KANSL3: variants seen among roughly 807,000 people sequenced by gnomAD.
KANSL3 encodes the protein KAT8 regulatory NSL complex subunit 3, also known as NSL complex protein NSL3.
KANSL3 carries 16 observed loss-of-function variants against 89.2 expected under a neutral mutation model. The observed-to-expected ratio is 0.18, with a 90% CI of 0.12 to 0.27. The LOEUF (loss-of-function observed/expected upper bound fraction) is 0.27. KANSL3 is among the 10% of genes least tolerant of loss of function. The pLI, the probability that KANSL3 is intolerant of heterozygous loss-of-function variation, is 1.00. For missense variants in KANSL3, 879 were observed against 1,110.6 expected (o/e 0.79, Z 2.96); for synonymous variants, 385 against 419.7 (o/e 0.92, Z 1.01).
Position 96,598,239 on chromosome 2 carries a change from G to A in KANSL3, c.2617-2608C>T, listed in dbSNP as rs2066732705. On this transcript the variant is annotated intron_variant, in intron 20 of 20. Transcript: ENST00000431828. Reference sequence around the variant, plus strand: ...ACTATCATTTCTGTACTATAAAACTGTTTTAGAGTATGAGAGGGGAAAAGC... The same window carrying A: ...ACTATCATTTCTGTACTATAAAACTATTTTAGAGTATGAGAGGGGAAAAGC... 2.7e-5 allele frequency: 15 copies of A among 560,902 alleles called. No homozygotes were observed. In the South Asian group the frequency reaches 1.1e-3, roughly 41 times the overall value. 34.7% of individuals were successfully genotyped at this position (560,902 alleles called of 1,614,324 possible). A position where few individuals can be genotyped will look rare whatever the true frequency, so the allele number is the denominator to read the frequency against.
intron 3 of KANSL3, among the ~76,000 whole-genome samples, chr2:96,621,618 C>T (rs1009557825): frequency 2.6e-5 from 4 of 151,008 alleles, no homozygotes; most frequent in Admixed American, 2.6e-4. Context: ...AGTTCAAGTC[C>T]AGCCAGGGCA....
chr2:96,605,410 A>G lies in KANSL3; in HGVS notation c.1843T>C (p.Ser615Pro). 1.2e-6 allele frequency: 2 copies of G among 1,613,934 alleles called. No homozygotes were observed. Among genetic ancestry groups the G allele is most frequent in the Non-Finnish European group, 8.5e-7 (1 of 1,179,852 alleles). Residue 615 changes from serine to proline, a missense_variant, in exon 15 of 21, where the codon TCC becomes CCC. By Grantham distance (74) the Ser-to-Pro change is moderately conservative. Coordinates refer to ENST00000431828, the MANE Select transcript of KANSL3 (RefSeq NM_001115016.3). ...GACACCTTGATCTTCGGTCGTTTGG[A>G]GGTCTTACTGCCAGGAAGGGGACTC... is the stretch of plus-strand genomic sequence containing the variant. ...PSSPLPGSKTSKRPKIKVSLI... is the reference protein window; with the variant it reads ...PSSPLPGSKTPKRPKIKVSLI...
chr2:96,622,637 A>T (rs1323056148), intron 3 of KANSL3, among the ~76,000 whole-genome samples: 1 of 152,230 alleles, frequency 6.6e-6, no homozygotes, highest in Non-Finnish European at 1.5e-5. Context: ...CTTTGCTCAA[A>T]GTCCTTCAGT....
At chr2:96,593,161 C>G, downstream of KANSL3, 1 of 438,192 alleles carries the variant, frequency 2.3e-6, no homozygotes, top group South Asian at 1.6e-5. Flanking sequence ...GAAGCTGAAG[C>G]AATCCAAATG....
At chr2:96,586,910 T>A in the KANSL3 span, among the ~76,000 whole-genome samples, 13 of 152,362 alleles carry the variant, frequency 8.5e-5, no homozygotes, top group Middle Eastern at 3.4e-3. Flanking sequence ...AATTACCTTG[T>A]TTTAGCTATT....
intron 20 of KANSL3, among the ~76,000 whole-genome samples, chr2:96,597,643 C>T (rs924050955): frequency 5.9e-5 from 9 of 152,134 alleles, no homozygotes; most frequent in Admixed American, 3.3e-4. Context: ...GGCTCTGTTG[C>T]CCAGGCTGGA....
Position 96,626,806 on chromosome 2 carries a change from C to A in KANSL3, c.386+4506G>T, listed in dbSNP as rs138709777. ...AGTCACATGCCATGGCACGCAGACA[C>A]AAGAACATGACCCAGGAAGCTCACT... On this transcript the variant is annotated intron_variant, in intron 3 of 20. Coordinates refer to ENST00000431828, the MANE Select transcript of KANSL3 (RefSeq NM_001115016.3). 2.4e-3 allele frequency among the ~76,000 whole-genome samples: 364 copies of A among 152,280 alleles called. 1 individual carries two copies. Among genetic ancestry groups the A allele is most frequent in the African/African-American group, 8.3e-3 (345 of 41,562 alleles).
Position 96,636,305 on chromosome 2 carries a change from A to C in KANSL3, c.215+616T>G, listed in dbSNP as rs191132925. ...AGAACTGGCAAACAGGTTTATTTAG[A>C]CCAAATGTAACTGTATCACTCATCA... On this transcript the variant is annotated intron_variant, in intron 2 of 20. Coordinates refer to ENST00000431828, the MANE Select transcript of KANSL3 (RefSeq NM_001115016.3). Among the ~76,000 whole-genome samples, 283 of 152,372 alleles carry C rather than the reference A, an allele frequency of 1.9e-3. 1 individual carries two copies. The highest frequency in any genetic ancestry group is 2.9e-3 in the Non-Finnish European group (195 of 68,040).
At chr2:96,637,305 G>A in intron 1 of KANSL3, 120 bp from the exon 2 acceptor site, 1 of 552,468 alleles carries the variant, frequency 1.8e-6, no homozygotes, top group Non-Finnish European at 3.2e-6. Flanking sequence ...CCATTTCACG[G>A]CAGACCTCTG....
chr2:96,584,699 A>C, the KANSL3 span, among the ~76,000 whole-genome samples: 1 of 152,144 alleles, frequency 6.6e-6, no homozygotes, highest in Admixed American at 6.5e-5. Context: ...CAAATGACAG[A>C]ATTTTTTTTT....
chr2:96,636,747 CAG>C, intron 2 of KANSL3, 172 bp downstream of exon 2: 1 of 520,404 alleles, frequency 1.9e-6, no homozygotes, highest in South Asian at 3.6e-5. Context: ...AGCTGTCTCA[CAG>C]AGATAGCCAC....
At chr2:96,619,635 C>G (rs752942243) in intron 4 of KANSL3, 37 bp downstream of exon 4, 1 of 1,593,780 alleles carries the variant, frequency 6.3e-7, no homozygotes, top group Non-Finnish European at 8.5e-7. Flanking sequence ...GCCTGAACTA[C>G]GAAGAGCCCA....
intron 5 of KANSL3, among the ~76,000 whole-genome samples, chr2:96,617,964 CAG>C (rs1278847388): frequency 7.2e-6 from 1 of 139,278 alleles, no homozygotes; most frequent in Non-Finnish European, 1.5e-5. Flanking sequence ...GCCTGGGCGA[CAG>C]AGTGAGACTT....
intron 14 of KANSL3, chr2:96,606,848 A>G: frequency 2.3e-6 from 1 of 430,446 alleles, no homozygotes; most frequent in Non-Finnish European, 4.2e-6. Context: ...AATACAAAGA[A>G]AGAGAGAGAA....
At chr2:96,631,172 G>A in intron 3 of KANSL3, 140 bp downstream of exon 3, 1 of 660,822 alleles carries the variant, frequency 1.5e-6, no homozygotes, top group South Asian at 1.9e-5. Flanking sequence ...ATGGTGAACT[G>A]AGAGTTATAA....
At position 96,605,382 on chromosome 2, in the gene KANSL3, A is replaced by C. The variant is rs761843509; in HGVS notation, c.1871T>G (p.Leu624Arg). Residue 624 changes from leucine (L) to arginine (R), a missense_variant, in exon 15 of 21, where the codon CTT becomes CGT. Leu to Arg is a moderately radical substitution (Grantham distance 102, BLOSUM62 -2). This residue lies in a region of KANSL3 where 317 missense variants were observed against 311.2 expected (regional missense o/e 1.02). Coordinates refer to ENST00000431828, the MANE Select transcript of KANSL3 (RefSeq NM_001115016.3). ...TCCAGCTGTGTCCCCTTGGGAGATA[A>C]GGGACACCTTGATCTTCGGTCGTTT... is the stretch of plus-strand genomic sequence containing the variant. ...TSKRPKIKVS[L>R]ISQGDTAGGP... 2 of 1,613,770 alleles carry C rather than the reference A, an allele frequency of 1.2e-6. No individual in the cohort carries two copies. The highest frequency in any genetic ancestry group is 2.7e-5 in the African/African-American group (2 of 74,942).
chr2:96,598,073 C>T (rs995040455), intron 20 of KANSL3: 7 of 984,768 alleles, frequency 7.1e-6, no homozygotes, highest in Admixed American at 6.2e-5. Context: ...CAAGCTGAGA[C>T]GGATTACCTA....
chr2:96,633,374 A>G (rs955571290), intron 2 of KANSL3, among the ~76,000 whole-genome samples: 4 of 152,196 alleles, frequency 2.6e-5, no homozygotes, highest in African/African-American at 9.6e-5. Context: ...GTTCGAGACC[A>G]GCTTGGCCAA....
intron 5 of KANSL3, chr2:96,615,481 T>C (rs1421304687): frequency 1.6e-5 from 21 of 1,277,390 alleles, no homozygotes; most frequent in Non-Finnish European, 1.9e-5. Flanking sequence ...TTCAGACATG[T>C]TGATGCTTAC....
Sources: gnomAD v4.1 joint callset for allele counts (sites outside exome capture counted in the v4.1 genomes callset) on GRCh38, gnomAD v4.1.1 for gene constraint, gnomAD v4.1.1 regional missense constraint, MANE v1.5 for transcripts, NCBI Gene and HGNC (gene_info 2026-07-23, HGNC 2026-07-21) for gene names.